The following DEPDC5 variants were observed in gnomAD, a reference collection of about 807,000 sequenced individuals.
DEPDC5 encodes the protein GATOR1 complex protein DEPDC5.
In DEPDC5, 73 loss-of-function variants were observed where a neutral mutation model predicts 217.3. That is an observed-to-expected ratio of 0.34 (90% CI 0.28 to 0.41). The LOEUF (loss-of-function observed/expected upper bound fraction) is 0.41, where lower values mean the gene tolerates loss of function less well. DEPDC5 is among the 10% of genes least tolerant of loss of function. DEPDC5 has a pLI of 1.00. For synonymous variants in DEPDC5, 733 were observed against 756.7 expected, an observed-to-expected ratio of 0.97 and a Z score of 0.51; for missense variants, 1,675 against 2,070.1, an observed-to-expected ratio of 0.81 and a Z score of 3.70.
At chr22:31,780,559 C>T (rs2084325105) in intron 8 of DEPDC5, among the ~76,000 whole-genome samples, 2 of 152,188 alleles carry the variant, frequency 1.3e-5, no homozygotes. Context: ...TCTCTCTTGC[C>T]ACCATGTCTT....
intron 7 of DEPDC5, among the ~76,000 whole-genome samples, chr22:31,776,681 A>C (rs551507928): frequency 2.1e-5 from 3 of 139,602 alleles, no homozygotes; most frequent in South Asian, 2.3e-4. Flanking sequence ...GGTTCAAGTG[A>C]TTCTGCCTCA....
At chr22:31,872,943 C>G (rs973703519) in intron 34 of DEPDC5, among the ~76,000 whole-genome samples, 1 of 151,846 alleles carries the variant, frequency 6.6e-6, no homozygotes, top group Non-Finnish European at 1.5e-5. Flanking sequence ...TTAGTAGAGA[C>G]GGGATTTCAC....
intron 34 of DEPDC5, among the ~76,000 whole-genome samples, chr22:31,872,550 A>T (rs2092875919): frequency 6.6e-6 from 1 of 152,114 alleles, no homozygotes. Flanking sequence ...TTAGGGTGTT[A>T]CCTAGTACTC....
chr22:31,885,708 G>C (rs2093291332), intron 38 of DEPDC5, among the ~76,000 whole-genome samples: 1 of 140,638 alleles, frequency 7.1e-6, no homozygotes, highest in East Asian at 2.2e-4. Context: ...CTGGGCAACA[G>C]AGCGAGACTC....
Position 31,816,057 on chromosome 22 carries a change from T to C in DEPDC5, c.1666+845T>C, listed in dbSNP as rs537902670. ...GCTCACACCTGTAATTCCAGCACTT[T>C]GGGAGGCCAAGGCGGGTGGATCACT... On this transcript the variant is annotated intron_variant, in intron 21 of 42. Transcript: ENST00000651528. 56 of 981,390 alleles carry C rather than the reference T, an allele frequency of 5.7e-5. No homozygotes were observed. The Admixed American group carries it at 7.4e-4, about 13-fold the overall frequency. 60.8% of individuals were successfully genotyped at this position (981,390 alleles called of 1,614,324 possible). A position where few individuals can be genotyped will look rare whatever the true frequency, so the allele number is the denominator to read the frequency against.
chr22:31,846,189 C>T (rs1053780344), intron 30 of DEPDC5, among the ~76,000 whole-genome samples: 1 of 152,090 alleles, frequency 6.6e-6, no homozygotes, highest in African/African-American at 2.4e-5. Flanking sequence ...TATCACTGTA[C>T]TTTTGTCTTT....
At chr22:31,770,059 C>CT (rs1431275554) in intron 7 of DEPDC5, among the ~76,000 whole-genome samples, 1 of 145,314 alleles carries the variant, frequency 6.9e-6, no homozygotes, top group Non-Finnish European at 1.5e-5. Flanking sequence ...CAAATAGTCT[C>CT]TAAAAAAAAG....
intron 33 of DEPDC5, among the ~76,000 whole-genome samples, chr22:31,863,409 C>T (rs1280295783): frequency 6.6e-6 from 1 of 152,180 alleles, no homozygotes; most frequent in African/African-American, 2.4e-5. Flanking sequence ...TCAGGTGATA[C>T]GCCCACCTTG....
At chr22:31,756,740 G>A (rs997022024) in intron 2 of DEPDC5, among the ~76,000 whole-genome samples, 8 of 151,860 alleles carry the variant, frequency 5.3e-5, no homozygotes. Context: ...GGCCAACATA[G>A]TGAAACCCCA....
rs150366213 is a variant in DEPDC5, at chr22:31,833,296, G to A, written c.2105-619G>A. 4.6e-5 allele frequency among the ~76,000 whole-genome samples: 7 copies of A among 152,264 alleles called. No homozygotes were observed. In the East Asian group the frequency reaches 1.2e-3, roughly 25 times the overall value. On this transcript the variant is annotated intron_variant, in intron 24 of 42. Transcript: ENST00000651528. ...TGTATTACTCGACAGTCAATAAATT[G>A]CATTTCAAAGAATCTTCCGGTTTTT...
chr22:31,819,021 G>A lies in DEPDC5; in HGVS notation c.1667-1G>A. 1.2e-6 allele frequency: 2 copies of A among 1,614,200 alleles called. No individual in the cohort carries two copies. Among genetic ancestry groups the A allele is most frequent in the Non-Finnish European group, 1.7e-6 (2 of 1,180,020 alleles). On this transcript the variant is annotated splice_acceptor_variant, in intron 21 of 42. Transcript: ENST00000651528. LOFTEE classifies it high-confidence loss of function. ...TGACTCAACTCCATGATAACTGGCA[G>A]ATGTCCTGGAGAACATGATGGAGCC... is the stretch of plus-strand genomic sequence containing the variant.
intron 24 of DEPDC5, among the ~76,000 whole-genome samples, chr22:31,831,740 C>T (rs1017507146): frequency 6.6e-6 from 1 of 152,102 alleles, no homozygotes; most frequent in African/African-American, 2.4e-5. Context: ...AGATTACAGG[C>T]GTGAGCCCAT....
At chr22:31,814,832 A>C (rs576501315) in intron 20 of DEPDC5, 160 bp from the exon 21 acceptor site, 4 of 660,040 alleles carry the variant, frequency 6.1e-6, no homozygotes, top group Middle Eastern at 4.1e-4. Context: ...TCAAGCTGTT[A>C]AGGGTGAAGT....
At chr22:31,833,855 G>T in intron 24 of DEPDC5, 60 bp from the exon 25 acceptor site, 1 of 1,413,736 alleles carries the variant, frequency 7.1e-7, no homozygotes, top group South Asian at 1.7e-5. Context: ...AACCATAACT[G>T]GTCAGAACTC....
chr22:31,822,584 T>C, intron 23 of DEPDC5, 109 bp from the exon 24 acceptor site: 7 of 1,033,656 alleles, frequency 6.8e-6, no homozygotes, highest in Non-Finnish European at 1.0e-5. Context: ...TGGCTGAATA[T>C]TCAGGCCTGA....
At chr22:31,861,466 C>G in intron 33 of DEPDC5, 33 bp downstream of exon 33, 1 of 1,547,856 alleles carries the variant, frequency 6.5e-7, no homozygotes, top group Non-Finnish European at 8.7e-7. Flanking sequence ...GCATGCCTGT[C>G]CCACTGGCAG....
intron 26 of DEPDC5, chr22:31,837,381 C>T (rs1048486605): frequency 3.5e-6 from 2 of 569,434 alleles, no homozygotes; most frequent in South Asian, 5.0e-5. Flanking sequence ...GAGAGGGTCT[C>T]ACTCTGTCGC....
chr22:31,771,217 A>G (rs1197719152), intron 7 of DEPDC5, among the ~76,000 whole-genome samples: 1 of 152,106 alleles, frequency 6.6e-6, no homozygotes. Context: ...TCTGTAAATA[A>G]TTTTTCATCA....
At chr22:31,856,155 GCACACA>G (rs136863) in intron 31 of DEPDC5, among the ~76,000 whole-genome samples, 146 of 140,676 alleles carry the variant, frequency 1.0e-3, no homozygotes, top group Middle Eastern at 7.2e-3. Context: ...GGGCCAACGC[GCACACA>G]CACACACACA....
Sources: allele counts gnomAD v4.1 joint callset (sites outside exome capture counted in the v4.1 genomes callset), GRCh38; gene constraint gnomAD v4.1.1; transcripts MANE v1.5; gene names NCBI Gene and HGNC (gene_info 2026-07-23, HGNC 2026-07-21).